KCNH1: variants seen among roughly 807,000 people sequenced by gnomAD.
The protein encoded by KCNH1 is voltage-gated delayed rectifier potassium channel KCNH1.
A neutral mutation model predicts 69.2 loss-of-function variants in KCNH1; 27 were observed. The observed-to-expected ratio is 0.39, with a 90% CI of 0.29 to 0.54. KCNH1 has a LOEUF of 0.54. Ranked by LOEUF, KCNH1 falls within the 20% of genes least tolerant of loss-of-function variation. The pLI is 0.68. For synonymous variants in KCNH1, 456 were observed against 487.7 expected, an observed-to-expected ratio of 0.93 and a Z score of 0.86; for missense variants, 798 against 1,261.6, an observed-to-expected ratio of 0.63 and a Z score of 5.57.
At chr1:210,952,762 G>A (rs955261716) in intron 6 of KCNH1, among the ~76,000 whole-genome samples, 1 of 152,102 alleles carries the variant, frequency 6.6e-6, no homozygotes, top group East Asian at 1.9e-4. Context: ...AGGCTAGCCT[G>A]TAGCTAAGGC....
In KCNH1 at chr1:211,021,276, A is replaced by G. The variant is rs544840295; in HGVS notation, c.559-2020T>C. ...ACTAAAGAACTTATTCATATAACCAAACACCCACCTGTTCCTCAATAACCT... is the reference window on the plus strand; with the variant it reads ...ACTAAAGAACTTATTCATATAACCAGACACCCACCTGTTCCTCAATAACCT... On this transcript the variant is annotated intron_variant, in intron 5 of 10. Coordinates refer to ENST00000271751, the MANE Select transcript of KCNH1 (RefSeq NM_172362.3). Among the ~76,000 whole-genome samples the G allele has an allele frequency of 5.9e-5, 9 of 152,262 alleles. No individual in the cohort carries two copies. The East Asian group carries it at 1.7e-3, about 29-fold the overall frequency.
intron 5 of KCNH1, among the ~76,000 whole-genome samples, chr1:211,076,773 A>G (rs1025028555): frequency 1.3e-5 from 2 of 152,260 alleles, no homozygotes; most frequent in Non-Finnish European, 2.9e-5. Context: ...ATGAGCTGAC[A>G]GAAGTAGGCT....
At chr1:210,757,115 A>G (rs188689504) in intron 10 of KCNH1, among the ~76,000 whole-genome samples, 86 of 152,264 alleles carry the variant, frequency 5.6e-4, no homozygotes, top group Middle Eastern at 3.4e-3. Context: ...GTCCTGGCCA[A>G]TGGGCCCTTT....
chr1:210,912,074 C>T (rs1320371860), intron 7 of KCNH1, among the ~76,000 whole-genome samples: 1 of 152,138 alleles, frequency 6.6e-6, no homozygotes, highest in African/African-American at 2.4e-5. Context: ...CAAACTGTGA[C>T]CTTAAATAGG....
chr1:210,929,605 A>C lies in KCNH1; in HGVS notation c.1033-9536T>G, dbSNP rs967484435. On this transcript the variant is annotated intron_variant, in intron 6 of 10. Coordinates refer to ENST00000271751, the MANE Select transcript of KCNH1 (RefSeq NM_172362.3). ...AGGGAAAAGTTGAACGCATTCCCTCATGAGAACTGGAACAAGACAAGGTTG... is the reference window on the plus strand; with the variant it reads ...AGGGAAAAGTTGAACGCATTCCCTCCTGAGAACTGGAACAAGACAAGGTTG... Among the ~76,000 whole-genome samples, 3 of 152,136 alleles carry C rather than the reference A, an allele frequency of 2.0e-5. No individual in the cohort carries two copies. In the South Asian group the frequency reaches 6.2e-4, roughly 32 times the overall value.
intron 7 of KCNH1, among the ~76,000 whole-genome samples, chr1:210,839,692 G>A (rs1574288183): frequency 6.6e-6 from 1 of 152,234 alleles, no homozygotes; most frequent in South Asian, 2.1e-4. Context: ...AGTTCCCTGA[G>A]GGCTACAGGA....
intron 5 of KCNH1, among the ~76,000 whole-genome samples, chr1:211,031,443 A>G (rs1689783606): frequency 6.6e-6 from 1 of 152,222 alleles, no homozygotes; most frequent in African/African-American, 2.4e-5. Flanking sequence ...ACAACAAAAA[A>G]AGAGAATTTT....
intron 7 of KCNH1, among the ~76,000 whole-genome samples, chr1:210,852,232 A>G (rs1245525289): frequency 1.3e-5 from 2 of 152,220 alleles, no homozygotes; most frequent in Non-Finnish European, 2.9e-5. Flanking sequence ...GGAACATCAT[A>G]GGCAAAGGCC....
chr1:211,118,829 G>A (rs1009184721), intron 1 of KCNH1, among the ~76,000 whole-genome samples: 5 of 152,166 alleles, frequency 3.3e-5, no homozygotes, highest in South Asian at 2.1e-4. Flanking sequence ...AAAACTAACT[G>A]AAGCAATGAC....
At chr1:210,850,612 C>T (rs55855500) in intron 7 of KCNH1, among the ~76,000 whole-genome samples, 10,524 of 152,232 alleles carry the variant, frequency 0.069, 413 homozygotes, top group Non-Finnish European at 0.078. Context: ...GATGTGCAGG[C>T]CTATCACTCC....
intron 9 of KCNH1, among the ~76,000 whole-genome samples, chr1:210,793,162 G>A (rs1278532393): frequency 6.6e-6 from 1 of 152,108 alleles, no homozygotes; most frequent in Non-Finnish European, 1.5e-5. Flanking sequence ...GATATAAGAA[G>A]GATTTCATGC....
At chr1:210,719,074 C>T (rs1682385208) in intron 10 of KCNH1, among the ~76,000 whole-genome samples, 1 of 152,128 alleles carries the variant, frequency 6.6e-6, no homozygotes, top group African/African-American at 2.4e-5. Context: ...GTAGCCATTG[C>T]TACGTGTGGC....
At chr1:210,893,483 A>G (rs1335327257) in intron 7 of KCNH1, among the ~76,000 whole-genome samples, 2 of 151,726 alleles carry the variant, frequency 1.3e-5, no homozygotes, top group African/African-American at 4.8e-5. Context: ...ACCTTGCCAT[A>G]GGTTTTTTGT....
At chr1:210,745,059 C>T (rs957096336) in intron 10 of KCNH1, among the ~76,000 whole-genome samples, 3 of 152,168 alleles carry the variant, frequency 2.0e-5, no homozygotes, top group Non-Finnish European at 4.4e-5. Context: ...AAAAATTAGC[C>T]GGGCGTGGTG....
chr1:210,806,531 A>C (rs375686146), intron 7 of KCNH1, among the ~76,000 whole-genome samples: 10 of 151,952 alleles, frequency 6.6e-5, no homozygotes, highest in African/African-American at 1.9e-4. Context: ...CATTTACAGC[A>C]CAAAAGGTTT....
intron 5 of KCNH1, among the ~76,000 whole-genome samples, chr1:211,034,575 G>A (rs1689859620): frequency 6.6e-6 from 1 of 152,168 alleles, no homozygotes; most frequent in Non-Finnish European, 1.5e-5. Context: ...ATCAGGAGAA[G>A]CTGGGTAAAA....
intron 7 of KCNH1, among the ~76,000 whole-genome samples, chr1:210,826,128 T>A (rs949154440): frequency 6.6e-6 from 1 of 152,208 alleles, no homozygotes; most frequent in Non-Finnish European, 1.5e-5. Context: ...AGTATTAGTG[T>A]GAGATGGATT....
Position 210,918,924 on chromosome 1 carries a change from T to C in KCNH1, c.1462+716A>G, listed in dbSNP as rs543146748. 2.6e-5 allele frequency: 4 copies of C among 152,366 alleles called. No homozygotes were observed. In the South Asian group the frequency reaches 8.3e-4, roughly 32 times the overall value. 9.4% of individuals were successfully genotyped at this position (152,366 alleles called of 1,614,324 possible). ...TTACCATTTCAATATATAATCAATATAAAATACAATTAATGAGATGTTTTG... is the reference window on the plus strand; with the variant it reads ...TTACCATTTCAATATATAATCAATACAAAATACAATTAATGAGATGTTTTG... On this transcript the variant is annotated intron_variant, in intron 7 of 10. Coordinates refer to ENST00000271751, the MANE Select transcript of KCNH1 (RefSeq NM_172362.3).
intron 10 of KCNH1, among the ~76,000 whole-genome samples, chr1:210,742,780 G>C (rs144847929): frequency 6.6e-6 from 1 of 152,258 alleles, no homozygotes; most frequent in East Asian, 1.9e-4. Flanking sequence ...CAGAGCAAAA[G>C]GAAGAATAAT....
Sources: gnomAD v4.1 joint callset for allele counts (sites outside exome capture counted in the v4.1 genomes callset) on GRCh38, gnomAD v4.1.1 for gene constraint, MANE v1.5 for transcripts, NCBI Gene and HGNC (gene_info 2026-07-23, HGNC 2026-07-21) for gene names.